Variants in EVI5 observed in about 807,000 individuals in gnomAD.
The protein encoded by EVI5 is ecotropic viral integration site 5 protein homolog.
In EVI5, 73 loss-of-function variants were observed where a neutral mutation model predicts 112.0. The ratio of observed to expected loss-of-function variants is 0.65; its 90% CI spans 0.54 to 0.79. EVI5 has a LOEUF of 0.79. Among genes scored for constraint, EVI5 ranks in the 30% least tolerant of loss-of-function variants. EVI5 has a pLI of 0.00. For synonymous variants in EVI5, 305 were observed against 319.9 expected, an observed-to-expected ratio of 0.95 and a Z score of 0.50; for missense variants, 900 against 968.8, an observed-to-expected ratio of 0.93 and a Z score of 0.94.
rs1444521984 is a variant in EVI5, at chr1:92,513,037, A to G, written c.*619T>C. ...GTGGTGCGCACATATAGTCCCAGGT[A>G]CTCGGGAGGCTGAGGCAGGAAAATT... On this transcript the variant is annotated 3_prime_UTR_variant, in exon 20 of 20. Transcript: ENST00000684568. 1 of 151,892 alleles carries G rather than the reference A, an allele frequency of 6.6e-6. No homozygotes were observed. Among genetic ancestry groups the G allele is most frequent in the Non-Finnish European group, 1.5e-5 (1 of 68,098 alleles). 9.4% of individuals were successfully genotyped at this position (151,892 alleles called of 1,614,324 possible). A position where few individuals can be genotyped will look rare whatever the true frequency, so the allele number is the denominator to read the frequency against.
intron 11 of EVI5, among the ~76,000 whole-genome samples, chr1:92,665,564 C>T (rs1054603347): frequency 2.6e-5 from 4 of 152,184 alleles, no homozygotes; most frequent in African/African-American, 7.2e-5. Context: ...GGAATCACTG[C>T]CACACTTCCA....
intron 18 of EVI5, among the ~76,000 whole-genome samples, chr1:92,568,450 A>C (rs545065662): frequency 6.6e-6 from 1 of 152,036 alleles, no homozygotes; most frequent in Non-Finnish European, 1.5e-5. Flanking sequence ...AATAATAGCT[A>C]TTATATATTG....
At chr1:92,668,655 C>G (rs1432060590) in intron 10 of EVI5, among the ~76,000 whole-genome samples, 1 of 152,178 alleles carries the variant, frequency 6.6e-6, no homozygotes, top group African/African-American at 2.4e-5. Context: ...CCACAAACAA[C>G]TAACCAAATG....
At chr1:92,790,294 G>A (rs1323116336) in intron 1 of EVI5, among the ~76,000 whole-genome samples, 1 of 151,866 alleles carries the variant, frequency 6.6e-6, no homozygotes, top group African/African-American at 2.4e-5. Flanking sequence ...GTGTGCCAGA[G>A]TGGGGCCCTG....
At chr1:92,612,427 G>A (rs1295274909) in intron 16 of EVI5, among the ~76,000 whole-genome samples, 2 of 152,090 alleles carry the variant, frequency 1.3e-5, no homozygotes, top group Non-Finnish European at 1.5e-5. Context: ...AAAGAAGGAA[G>A]GCCAGGCACA....
intron 19 of EVI5, among the ~76,000 whole-genome samples, chr1:92,532,834 G>A (rs1368895186): frequency 6.6e-6 from 1 of 152,066 alleles, no homozygotes; most frequent in Non-Finnish European, 1.5e-5. Context: ...GAGGAAGCAG[G>A]AAAGATCTAA....
At chr1:92,701,516 A>C (rs373227728) in intron 5 of EVI5, among the ~76,000 whole-genome samples, 4 of 152,328 alleles carry the variant, frequency 2.6e-5, no homozygotes, top group South Asian at 4.1e-4. Context: ...CTGAGACTAA[A>C]TAAAGAGTAA....
At chr1:92,771,320 C>T (rs1558236090) in intron 1 of EVI5, among the ~76,000 whole-genome samples, 1 of 152,098 alleles carries the variant, frequency 6.6e-6, no homozygotes, top group Non-Finnish European at 1.5e-5. Flanking sequence ...ATCCTTCCTA[C>T]ACACACTCCC....
At chr1:92,651,284 T>C (rs1184686644) in intron 13 of EVI5, among the ~76,000 whole-genome samples, 1 of 152,192 alleles carries the variant, frequency 6.6e-6, no homozygotes, top group African/African-American at 2.4e-5. Flanking sequence ...CTGATATATT[T>C]ACAATAAATT....
At chr1:92,524,961 G>T (rs997726687) in intron 19 of EVI5, among the ~76,000 whole-genome samples, 3 of 151,694 alleles carry the variant, frequency 2.0e-5, no homozygotes, top group African/African-American at 4.8e-5. Context: ...CTCAGTAGCT[G>T]GGATTATAGG....
chr1:92,784,881 C>G lies in EVI5; in HGVS notation c.-127G>C. 1.4e-5 allele frequency: 14 copies of G among 985,928 alleles called. No homozygotes were observed. The highest frequency in any genetic ancestry group is 1.7e-5 in the Non-Finnish European group (14 of 830,388). The allele number at this position is 985,928 out of a possible 1,614,324, so 61.1% of individuals were successfully genotyped here. A position where few individuals can be genotyped will look rare whatever the true frequency, so the allele number is the denominator to read the frequency against. On this transcript the variant is annotated 5_prime_UTR_variant, in exon 1 of 20. Coordinates refer to ENST00000684568, the MANE Select transcript of EVI5 (RefSeq NM_001350197.2). ...TTCGCCGTAAACATTAACTTCCCATCCAGCCGGCAGCCGCGCCGCCGCGTC... is the reference window on the plus strand; with the variant it reads ...TTCGCCGTAAACATTAACTTCCCATGCAGCCGGCAGCCGCGCCGCCGCGTC...
At chr1:92,649,176 T>C (rs1400383778) in intron 13 of EVI5, among the ~76,000 whole-genome samples, 1 of 152,214 alleles carries the variant, frequency 6.6e-6, no homozygotes, top group Non-Finnish European at 1.5e-5. Flanking sequence ...ATATCTTCTT[T>C]GGAGAAAAGT....
chr1:92,563,342 T>G (rs1000266196), intron 19 of EVI5, among the ~76,000 whole-genome samples: 8 of 152,192 alleles, frequency 5.3e-5, no homozygotes, highest in Non-Finnish European at 8.8e-5. Context: ...AAAGTAACTT[T>G]GACATCTATG....
chr1:92,682,848 G>T (rs994986122), intron 9 of EVI5, among the ~76,000 whole-genome samples: 6 of 152,302 alleles, frequency 3.9e-5, no homozygotes, highest in African/African-American at 1.4e-4. Flanking sequence ...CCATCCTGTG[G>T]TCTTATTTTT....
At chr1:92,591,620 C>T (rs1459295375) in intron 18 of EVI5, among the ~76,000 whole-genome samples, 1 of 152,120 alleles carries the variant, frequency 6.6e-6, no homozygotes, top group Non-Finnish European at 1.5e-5. Flanking sequence ...AGCAAGTCCT[C>T]AGAGATCTAC....
At chr1:92,571,116 T>G (rs982923041) in intron 18 of EVI5, among the ~76,000 whole-genome samples, 1 of 151,156 alleles carries the variant, frequency 6.6e-6, no homozygotes, top group African/African-American at 2.4e-5. Flanking sequence ...TCCGCAAAAC[T>G]TTTACAAACA....
intron 13 of EVI5, among the ~76,000 whole-genome samples, chr1:92,653,635 G>A (rs916481699): frequency 7.2e-5 from 11 of 152,174 alleles, no homozygotes; most frequent in Non-Finnish European, 1.5e-5. Flanking sequence ...GGCAGACAGG[G>A]GTGACTGTGG....
At chr1:92,683,532 G>C (rs1162273423) in intron 9 of EVI5, among the ~76,000 whole-genome samples, 2 of 152,112 alleles carry the variant, frequency 1.3e-5, no homozygotes, top group African/African-American at 4.8e-5. Context: ...CGCCAGCAAG[G>C]GAACAAAACT....
In EVI5 at chr1:92,703,560, G is replaced by A; in HGVS notation, c.399C>T (p.Cys133=). 6.3e-7 allele frequency: 1 copy of A among 1,596,828 alleles called. No homozygotes were observed. Among genetic ancestry groups the A allele is most frequent in the Admixed American group, 1.8e-5 (1 of 54,506 alleles). ...HFRAIVWQLL[C]SAQSMPIKDQ... Reference sequence around the variant, plus strand: ...CCTTAATTGGCATACTTTGTGCACTGCATAAAAGTTGCCAAACTATTGCTC... The same window carrying A: ...CCTTAATTGGCATACTTTGTGCACTACATAAAAGTTGCCAAACTATTGCTC... The change falls in exon 4 of 20, where the codon TGC becomes TGT. Residue 133 remains cysteine (C), a synonymous_variant. Transcript: ENST00000684568.
Sources: allele counts gnomAD v4.1 joint callset (sites outside exome capture counted in the v4.1 genomes callset), GRCh38; gene constraint gnomAD v4.1.1; transcripts MANE v1.5; gene names NCBI Gene and HGNC (gene_info 2026-07-23, HGNC 2026-07-21).